Variants in ANO10 observed in about 807,000 individuals in gnomAD.
ANO10 encodes the protein anoctamin 10.
A neutral mutation model predicts 74.7 loss-of-function variants in ANO10; 77 were observed. The ratio of observed to expected loss-of-function variants is 1.03; its 90% confidence interval spans 0.86 to 1.25. The LOEUF is 1.25. Among genes scored for constraint, ANO10 ranks in the 50% most tolerant of loss-of-function variants. ANO10 has a pLI of 0.00. For synonymous variants in ANO10, 279 were observed against 284.9 expected (o/e 0.98, Z 0.21); for missense variants, 721 against 778.1 (o/e 0.93, Z 0.87).
At chr3:43,616,126 T>A (rs1318300076) in intron 1 of ANO10, among the ~76,000 whole-genome samples, 1 of 152,164 alleles carries the variant, frequency 6.6e-6, no homozygotes, top group African/African-American at 2.4e-5. Context: ...AAGCATATCA[T>A]CTTCCATCCC....
chr3:43,412,620 T>C (rs750994001), intron 12 of ANO10, among the ~76,000 whole-genome samples: 9 of 152,252 alleles, frequency 5.9e-5, no homozygotes, highest in African/African-American at 9.6e-5. Context: ...TTCACAGTCA[T>C]TCTTTTTTGA....
chr3:43,464,282 C>A (rs2075517838), intron 11 of ANO10, among the ~76,000 whole-genome samples: 1 of 152,154 alleles, frequency 6.6e-6, no homozygotes, highest in South Asian at 2.1e-4. Context: ...ACACCACAGA[C>A]CAATATCTCT....
chr3:43,622,600 A>G (rs2083444275), upstream of ANO10, among the ~76,000 whole-genome samples: 3 of 152,154 alleles, frequency 2.0e-5, no homozygotes, highest in Non-Finnish European at 4.4e-5. Context: ...GCCAAATCCC[A>G]AAACCCTTGC....
intron 1 of ANO10, chr3:43,690,889 C>G: frequency 7.7e-7 from 1 of 1,294,020 alleles, no homozygotes; most frequent in East Asian, 3.0e-5. Context: ...AAGACGCATG[C>G]GCTGGCGGCC....
chr3:43,614,032 T>C (rs1360742365), intron 1 of ANO10, among the ~76,000 whole-genome samples: 1 of 152,052 alleles, frequency 6.6e-6, no homozygotes, highest in Non-Finnish European at 1.5e-5. Context: ...GTTTCCAATC[T>C]TGGATATGGG....
At chr3:43,592,137 G>A (rs1401491493) in intron 4 of ANO10, among the ~76,000 whole-genome samples, 3 of 152,228 alleles carry the variant, frequency 2.0e-5, no homozygotes, top group Non-Finnish European at 2.9e-5. Flanking sequence ...AGCTCAAGGA[G>A]GCCTGCCAGC....
intron 4 of ANO10, among the ~76,000 whole-genome samples, chr3:43,590,635 C>T (rs1255815891): frequency 2.0e-5 from 3 of 151,978 alleles, no homozygotes; most frequent in African/African-American, 7.3e-5. Context: ...CAAGTTGATG[C>T]CATGAGGGAA....
At chr3:43,413,006 G>A (rs1298778639) in intron 12 of ANO10, among the ~76,000 whole-genome samples, 1 of 152,140 alleles carries the variant, frequency 6.6e-6, no homozygotes, top group Non-Finnish European at 1.5e-5. Flanking sequence ...AGCCAAGGTT[G>A]CCCCACTTGC....
intron 12 of ANO10, among the ~76,000 whole-genome samples, chr3:43,396,951 T>G (rs2092394012): frequency 6.6e-6 from 1 of 151,590 alleles, no homozygotes; most frequent in South Asian, 2.1e-4. Flanking sequence ...TTTTTTGAGA[T>G]GGAGTTTCGC....
At chr3:43,666,485 A>G (rs1013073915) in intron 1 of ANO10, among the ~76,000 whole-genome samples, 1 of 152,148 alleles carries the variant, frequency 6.6e-6, no homozygotes. Context: ...CTTTAGAGTG[A>G]TAATTGCTTT....
At chr3:43,469,209 A>AT (rs541422598) in intron 11 of ANO10, among the ~76,000 whole-genome samples, 24 of 145,518 alleles carry the variant, frequency 1.6e-4, no homozygotes, top group Admixed American at 5.5e-4. Context: ...TGCCCGGCTA[A>AT]TTTTTTTTTT....
chr3:43,565,244 T>C (rs2080253673), intron 8 of ANO10, among the ~76,000 whole-genome samples: 1 of 152,202 alleles, frequency 6.6e-6, no homozygotes, highest in African/African-American at 2.4e-5. Context: ...GATACAGCAC[T>C]GCATAGGATC....
intron 11 of ANO10, among the ~76,000 whole-genome samples, chr3:43,542,350 A>G (rs1260400675): frequency 6.6e-6 from 1 of 152,138 alleles, no homozygotes; most frequent in Non-Finnish European, 1.5e-5. Flanking sequence ...CAGAGAGAAG[A>G]AAACAGCCAT....
At position 43,428,796 on chromosome 3, in the gene ANO10, C is replaced by CAAAAAAAAAAAAAA. The variant is rs56213626; in HGVS notation, c.1914+3801_1914+3814dup. The stretch of plus-strand genomic sequence containing the variant: ...CCAAAATCCTGAAACTTTGTGAATG[C>CAAAAAAAAAAAAAA]AAAAAAAAAAAAAAAAAAAAAAGTC... On this transcript the variant is annotated intron_variant, in intron 12 of 12. Coordinates refer to ENST00000292246, the MANE Select transcript of ANO10 (RefSeq NM_018075.5). Among the ~76,000 whole-genome samples, 190 of 55,440 alleles carry CAAAAAAAAAAAAAA rather than the reference C, an allele frequency of 3.4e-3. 50 individuals are homozygous for CAAAAAAAAAAAAAA. Among genetic ancestry groups the CAAAAAAAAAAAAAA allele is most frequent in the Non-Finnish European group, 4.9e-3 (152 of 31,070 alleles). 36.4% of individuals were successfully genotyped at this position (55,440 alleles called of 152,430 possible).
Position 43,576,627 on chromosome 3 carries a change from T to C in ANO10, c.1162+65A>G. On this transcript the variant is annotated intron_variant, in intron 6 of 12. Transcript: ENST00000292246. ...CTCTGCAAGGTAGCAGCTATGTGAA[T>C]CCCATGATCTAGGCAACATTTCTTA... 3.3e-6 allele frequency: 5 copies of C among 1,533,774 alleles called. 1 individual carries two copies. In the South Asian group the frequency reaches 3.4e-5, roughly 10 times the overall value.
At chr3:43,444,467 T>C (rs1029070845) in intron 11 of ANO10, among the ~76,000 whole-genome samples, 10 of 152,170 alleles carry the variant, frequency 6.6e-5, no homozygotes, top group African/African-American at 2.4e-4. Flanking sequence ...AAGGAACATA[T>C]AAAAACTGTG....
At chr3:43,393,295 T>G (rs2092313963) in intron 12 of ANO10, among the ~76,000 whole-genome samples, 1 of 152,194 alleles carries the variant, frequency 6.6e-6, no homozygotes, top group African/African-American at 2.4e-5. Flanking sequence ...AGAGCATGGC[T>G]CTGGAGCCTC....
intron 4 of ANO10, among the ~76,000 whole-genome samples, chr3:43,592,288 C>A (rs1433199148): frequency 6.6e-6 from 1 of 152,232 alleles, no homozygotes; most frequent in Non-Finnish European, 1.5e-5. Context: ...TGAGAACGGA[C>A]AGACTGCCTC....
chr3:43,485,346 C>T, intron 11 of ANO10: 1 of 495,766 alleles, frequency 2.0e-6, no homozygotes, highest in South Asian at 2.0e-5. Flanking sequence ...CTGTGCTCCC[C>T]ATCCAGGGAG....
Sources: gnomAD v4.1 joint callset for allele counts (sites outside exome capture counted in the v4.1 genomes callset) on GRCh38, gnomAD v4.1.1 for gene constraint, MANE v1.5 for transcripts, NCBI Gene and HGNC (gene_info 2026-07-23, HGNC 2026-07-21) for gene names.